Variants in PRSS57 observed in about 807,000 individuals in gnomAD.
PRSS57 encodes the protein neutrophil serine protease 4.
Under a neutral mutation model 20.6 loss-of-function variants are expected in PRSS57, and 19 were observed. The observed-to-expected ratio is 0.92, with a 90% CI of 0.64 to 1.35. The LOEUF (loss-of-function observed/expected upper bound fraction) is 1.35. PRSS57 is among the 40% of genes most tolerant of loss of function. The pLI is 0.00. For synonymous variants in PRSS57, 203 were observed against 176.6 expected (o/e 1.15, Z -1.19); for missense variants, 440 against 403.7 (o/e 1.09, Z -0.77).
intron 3 of PRSS57, among the ~76,000 whole-genome samples, chr19:688,870 G>A (rs185049923): frequency 1.3e-5 from 2 of 152,124 alleles, no homozygotes; most frequent in East Asian, 3.9e-4. Context: ...AAGTGCTGGG[G>A]TTACAGGTGT....
chr19:686,757 C>T (rs1043259922), intron 4 of PRSS57, among the ~76,000 whole-genome samples, 168 bp downstream of exon 4: 4 of 152,184 alleles, frequency 2.6e-5, no homozygotes. Context: ...CTGAACATGG[C>T]AGCCCTGCAT....
At chr19:689,822 G>A (rs1035676420) in intron 3 of PRSS57, among the ~76,000 whole-genome samples, 5 of 152,226 alleles carry the variant, frequency 3.3e-5, no homozygotes, top group African/African-American at 1.2e-4. Context: ...GGGAGACCAA[G>A]GTGGGCGGAT....
At position 685,557 on chromosome 19, in the gene PRSS57, T is replaced by C; in HGVS notation, c.*159A>G. On this transcript the variant is annotated 3_prime_UTR_variant, in exon 5 of 5. Coordinates refer to ENST00000329267, the MANE Select transcript of PRSS57 (RefSeq NM_001308209.2). The stretch of plus-strand genomic sequence containing the variant: ...GGGTGAGGCTGGAAGTCAGTTAACA[T>C]TTTACTGGGTTTGCTTCTGCCCTTT... 2.9e-6 allele frequency: 2 copies of C among 695,714 alleles called. No homozygotes were observed. The highest frequency in any genetic ancestry group is 4.6e-6 in the Non-Finnish European group (2 of 430,134). 43.1% of individuals were successfully genotyped at this position (695,714 alleles called of 1,614,324 possible). A position where few individuals can be genotyped will look rare whatever the true frequency, so the allele number is the denominator to read the frequency against.
chr19:689,274 G>T (rs1173756969), intron 3 of PRSS57, among the ~76,000 whole-genome samples: 1 of 151,880 alleles, frequency 6.6e-6, no homozygotes, highest in African/African-American at 2.4e-5. Flanking sequence ...GTGGTCCAGG[G>T]GTTAGCAGGT....
Position 694,912 on chromosome 19 carries a change from G to A in PRSS57, c.135C>T (p.Pro45=). The A allele has an allele frequency of 6.3e-7, 1 of 1,598,070 alleles. No individual in the cohort carries two copies. Among genetic ancestry groups the A allele is most frequent in the Non-Finnish European group, 8.5e-7 (1 of 1,172,408 alleles). The change falls in exon 2 of 5, where the codon CCC becomes CCT. Residue 45 remains proline (P), a synonymous_variant. Coordinates refer to ENST00000329267, the MANE Select transcript of PRSS57 (RefSeq NM_001308209.2). ...CCCCGAAGCGCACGGATGCCATGTA[G>A]GGCCTGGAGTGGGGGGTCACCTCGT... ...GGHEVTPHSR[P]YMASVRFGGQ... is the part of the protein sequence containing the mutation.
rs779913929 is a variant in PRSS57, at chr19:695,435, G to A, written c.-5C>T. Reference sequence around the variant, plus strand: ...GCCCCTCAACCCGAGCCCCATGGCAGACGCAGGCTGGCGTCTCCCCGCAGA... The same window carrying A: ...GCCCCTCAACCCGAGCCCCATGGCAAACGCAGGCTGGCGTCTCCCCGCAGA... On this transcript the variant is annotated 5_prime_UTR_variant, in exon 1 of 5. Transcript: ENST00000329267. 5.6e-6 allele frequency: 7 copies of A among 1,256,578 alleles called. No individual in the cohort carries two copies. The East Asian group carries it at 1.8e-4, about 33-fold the overall frequency. 77.8% of individuals were successfully genotyped at this position (1,256,578 alleles called of 1,614,324 possible).
At chr19:694,997 G>GACTGACTGAGTCAGGGCCTGAGTC in intron 1 of PRSS57, 30 bp from the exon 2 acceptor site, 1 of 1,494,624 alleles carries the variant, frequency 6.7e-7, no homozygotes, top group East Asian at 2.4e-5. Flanking sequence ...AGTCAGGGAC[G>GACTGACTGAGTCAGGGCCTGAGTC]AGGCGGGAGG....
chr19:688,220 C>T (rs915919525), intron 3 of PRSS57, among the ~76,000 whole-genome samples: 1 of 152,244 alleles, frequency 6.6e-6, no homozygotes, highest in Non-Finnish European at 1.5e-5. Flanking sequence ...ATGTCTCGCT[C>T]AGCCTCAGTT....
intron 4 of PRSS57, among the ~76,000 whole-genome samples, chr19:686,460 G>T (rs935041994): frequency 6.6e-6 from 1 of 152,034 alleles, no homozygotes; most frequent in Admixed American, 6.6e-5. Context: ...GAGGCCCAGA[G>T]AAATCAAGTG....
chr19:690,881 C>T, intron 3 of PRSS57: 1 of 386,916 alleles, frequency 2.6e-6, no homozygotes, highest in Non-Finnish European at 4.9e-6. Flanking sequence ...CGGCTCTGCG[C>T]TGGTGTGCCT....
chr19:686,392 C>T (rs553729090), intron 4 of PRSS57, among the ~76,000 whole-genome samples: 18 of 152,092 alleles, frequency 1.2e-4, no homozygotes, highest in South Asian at 6.2e-4. Flanking sequence ...ATCTAGAATC[C>T]GCTCTGATAC....
intron 4 of PRSS57, 94 bp from the exon 5 acceptor site, chr19:686,016 C>T: frequency 1.8e-6 from 2 of 1,082,514 alleles, no homozygotes; most frequent in Middle Eastern, 2.8e-4. Flanking sequence ...CTCTGTGGCT[C>T]CCTACTGCTC....
intron 2 of PRSS57, among the ~76,000 whole-genome samples, chr19:694,412 G>A (rs555804630): frequency 4.4e-4 from 67 of 151,714 alleles, no homozygotes; most frequent in African/African-American, 1.6e-3. Context: ...TACTAAAAAT[G>A]CAAAAATTAG....
rs191875448 is a variant in PRSS57 at position 694,873 on chromosome 19, G to A, written c.174C>T (p.Cys58=). 8.1e-6 allele frequency: 13 copies of A among 1,606,340 alleles called. No homozygotes were observed. The highest frequency in any genetic ancestry group is 2.3e-5 in the East Asian group (1 of 44,382). The change falls in exon 2 of 5, where the codon TGC becomes TGT. Residue 58 remains cysteine (C), a synonymous_variant. Coordinates refer to ENST00000329267, the MANE Select transcript of PRSS57 (RefSeq NM_001308209.2). ...AGCGGGCTCGCAGCAGGAAGCCTCCGCAGTGATGTTGGCCCCCGAAGCGCA... is the reference window on the plus strand; with the variant it reads ...AGCGGGCTCGCAGCAGGAAGCCTCCACAGTGATGTTGGCCCCCGAAGCGCA... ...ASVRFGGQHH[C]GGFLLRARWV...
intron 2 of PRSS57, 116 bp downstream of exon 2, chr19:694,698 G>T: frequency 8.2e-7 from 1 of 1,218,666 alleles, no homozygotes; most frequent in African/African-American, 1.5e-5. Context: ...TCCAGCCCCT[G>T]CTGAGACTCC....
rs1568210816 is a variant in PRSS57, at chr19:694,814, C to A, written c.233G>T (p.Arg78Ile). 6 of 1,606,266 alleles carry A rather than the reference C, an allele frequency of 3.7e-6. No individual in the cohort carries two copies. Among genetic ancestry groups the A allele is most frequent in the Non-Finnish European group, 4.2e-6 (5 of 1,177,150 alleles). ...GAAGGGGCCCGACAGGTGAGCTCACCTGTGGCTGAAGCAGTGGGCGGCCGA... is the reference window on the plus strand; with the variant it reads ...GAAGGGGCCCGACAGGTGAGCTCACATGTGGCTGAAGCAGTGGGCGGCCGA... ...VVSAAHCFSHRDLRTGLVVLG... is the reference protein window; with the variant it reads ...VVSAAHCFSHIDLRTGLVVLG... The change falls in exon 2 of 5, where the codon AGA (arginine) becomes ATA (isoleucine). Residue 78 changes from arginine (R) to isoleucine (I), a missense_variant and splice_region_variant. Transcript: ENST00000329267.
At chr19:692,074 G>A in intron 2 of PRSS57, 72 bp from the exon 3 acceptor site, 1 of 1,234,346 alleles carries the variant, frequency 8.1e-7, no homozygotes. Context: ...ACTCATCTAT[G>A]AAACGGAGGC....
intron 2 of PRSS57, among the ~76,000 whole-genome samples, chr19:692,427 C>CTTTTTTCTTTTTTTT (rs575817341): frequency 2.0e-5 from 2 of 98,824 alleles, no homozygotes; most frequent in African/African-American, 6.3e-5. Flanking sequence ...TTCCTTTTTT[C>CTTTTTTCTTTTTTTT]TTTTTTTTTT....
chr19:695,171 G>A (rs1046839349), intron 1 of PRSS57, among the ~76,000 whole-genome samples, 181 bp downstream of exon 1: 6 of 152,142 alleles, frequency 3.9e-5, no homozygotes, highest in Admixed American at 2.0e-4. Flanking sequence ...ATCCAGGGCT[G>A]GGCTGGGCAG....
Sources: gnomAD v4.1 joint callset for allele counts (sites outside exome capture counted in the v4.1 genomes callset) on GRCh38, gnomAD v4.1.1 for gene constraint, MANE v1.5 for transcripts, NCBI Gene and HGNC (gene_info 2026-07-23, HGNC 2026-07-21) for gene names.